ABAT: variants seen among roughly 807,000 people sequenced by gnomAD.
ABAT encodes 4-aminobutyrate aminotransferase, also known as 4-aminobutyrate aminotransferase, mitochondrial.
Under a neutral mutation model 64.6 loss-of-function variants are expected in ABAT, and 45 were observed. That is an observed-to-expected ratio of 0.70 (90% CI 0.55 to 0.89). The LOEUF is 0.89. Among genes scored for constraint, ABAT ranks in the 40% least tolerant of loss-of-function variants. ABAT has a pLI of 0.00. For synonymous variants in ABAT, 297 were observed against 250.5 expected, an observed-to-expected ratio of 1.19 and a Z score of -1.75; for missense variants, 633 against 658.4, an observed-to-expected ratio of 0.96 and a Z score of 0.42.
chr16:8,743,986 T>C (rs1449190902), intron 2 of ABAT, among the ~76,000 whole-genome samples: 2 of 152,140 alleles, frequency 1.3e-5, no homozygotes, highest in Non-Finnish European at 2.9e-5. Context: ...TCAGCAAGGC[T>C]TGGGCTTGAG....
chr16:8,751,745 G>A (rs988120809), intron 5 of ABAT, among the ~76,000 whole-genome samples: 2 of 152,132 alleles, frequency 1.3e-5, no homozygotes, highest in African/African-American at 4.8e-5. Flanking sequence ...CACAGCAGCT[G>A]GAAAACGGTG....
chr16:8,773,103 T>TACACAC (rs1354262302), intron 12 of ABAT, among the ~76,000 whole-genome samples, 186 bp downstream of exon 12: 4 of 51,420 alleles, frequency 7.8e-5, no homozygotes, highest in African/African-American at 2.6e-4. Context: ...TCCCTAAAAC[T>TACACAC]ATACACACAC....
chr16:8,722,770 C>G (rs112483456), intron 1 of ABAT: 56 of 1,267,716 alleles, frequency 4.4e-5, no homozygotes, highest in Non-Finnish European at 5.5e-5. Flanking sequence ...TCCCCAGATG[C>G]GCCCATCCAG....
chr16:8,705,495 AT>A (rs765497807), intron 1 of ABAT: 7 of 152,116 alleles, frequency 4.6e-5, no homozygotes, highest in Non-Finnish European at 1.0e-4. Flanking sequence ...TGCTAGACAA[AT>A]TTTAAAAGAG....
rs554992833 is a variant in ABAT at position 8,711,961 on chromosome 16, C to T, written c.-41-23738C>T. On this transcript the variant is annotated intron_variant, in intron 1 of 15. Coordinates refer to ENST00000268251, the MANE Select transcript of ABAT (RefSeq NM_020686.6). ...ACCATATGAAATTACTATTTTTGGCCAGGTGCGGTGGCTCATGCCTGTAAT... is the reference window on the plus strand; with the variant it reads ...ACCATATGAAATTACTATTTTTGGCTAGGTGCGGTGGCTCATGCCTGTAAT... 6.7e-5 allele frequency among the ~76,000 whole-genome samples: 10 copies of T among 149,684 alleles called. No homozygotes were observed. The East Asian group carries it at 1.8e-3, about 27-fold the overall frequency.
intron 1 of ABAT, among the ~76,000 whole-genome samples, chr16:8,709,180 A>G (rs1009092230): frequency 2.0e-5 from 3 of 152,178 alleles, no homozygotes; most frequent in African/African-American, 4.8e-5. Context: ...GTCAGGTTAA[A>G]TAGAATTAAC....
In ABAT at chr16:8,776,746, T is replaced by G. The variant is rs994460280; in HGVS notation, c.1269+256T>G. 6.6e-6 allele frequency among the ~76,000 whole-genome samples: 1 copy of G among 152,154 alleles called. No individual in the cohort carries two copies. The highest frequency in any genetic ancestry group is 2.1e-4 in the South Asian group (1 of 4,824). ...TGTTGTTGTTTTTTTTAATTTATTT[T>G]TTATTTTTTTAATATTGAGACATGG... On this transcript the variant is annotated intron_variant, in intron 14 of 15. Transcript: ENST00000268251. This position sits in a 1 kb window ranked among gnomAD's most constrained non-coding sequence, Gnocchi z 4.4.
chr16:8,742,382 C>T (rs535281105), intron 2 of ABAT, among the ~76,000 whole-genome samples: 2 of 152,260 alleles, frequency 1.3e-5, no homozygotes, highest in Admixed American at 6.5e-5. Flanking sequence ...AAGGAGGACG[C>T]GTGTGTCCTC....
chr16:8,706,976 G>A (rs1018271028), intron 1 of ABAT, among the ~76,000 whole-genome samples: 4 of 152,062 alleles, frequency 2.6e-5, no homozygotes, highest in African/African-American at 9.7e-5. Flanking sequence ...GTGCCCTCCC[G>A]GAATCAGAGG....
intron 2 of ABAT, chr16:8,737,501 A>G (rs2058981881): frequency 6.6e-6 from 1 of 151,884 alleles, no homozygotes; most frequent in Non-Finnish European, 1.5e-5. Context: ...ATAAATAAAC[A>G]TCTTATTTTT....
Position 8,781,340 on chromosome 16 carries a change from C to T in ABAT, c.1413C>T (p.Ser471=). The T allele has an allele frequency of 6.2e-7, 1 of 1,614,140 alleles. No individual in the cohort carries two copies. The highest frequency in any genetic ancestry group is 1.1e-5 in the South Asian group (1 of 91,072). ...GVVLGGCGDK[S]IRFRPTLVFR... is the part of the protein sequence containing the mutation. ...TGTTGGGTGGCTGTGGTGACAAATC[C>T]ATTCGTTTCCGTCCCACGCTGGTCT... The change falls in exon 16 of 16, where the codon TCC becomes TCT. Residue 471 remains serine, a synonymous_variant. Transcript: ENST00000268251. The surrounding 1 kb of genome is among the most constrained non-coding windows in gnomAD (Gnocchi z 4.5).
At chr16:8,772,641 G>C (rs946131472) in intron 11 of ABAT, 139 bp from the exon 12 acceptor site, 18 of 1,192,736 alleles carry the variant, frequency 1.5e-5, no homozygotes, top group Non-Finnish European at 2.2e-5. Context: ...TTCTAACAGA[G>C]GCTTCACTGG....
In ABAT at chr16:8,709,350, TTTTATTTA is replaced by T. The variant is rs149223193; in HGVS notation, c.-41-26317_-41-26310del. Among the ~76,000 whole-genome samples, 400 of 149,254 alleles carry T rather than the reference TTTTATTTA, an allele frequency of 2.7e-3. 3 individuals carry two copies. Among genetic ancestry groups the T allele is most frequent in the Middle Eastern group, 0.017 (5 of 288 alleles). ...TTTAATTGGCACATGTGACTCACAT[TTTTATTTA>T]TTTATTTATTTATTTATTTATTTAT... On this transcript the variant is annotated intron_variant, in intron 1 of 15. Transcript: ENST00000268251.
intron 1 of ABAT, among the ~76,000 whole-genome samples, chr16:8,680,980 A>AT (rs1419634061): frequency 1.0e-4 from 10 of 99,632 alleles, no homozygotes; most frequent in African/African-American, 2.7e-4. Context: ...CTTTTTATTT[A>AT]TCTATTTTTT....
At chr16:8,753,639 T>C (rs2059555717) in intron 5 of ABAT, among the ~76,000 whole-genome samples, 1 of 152,214 alleles carries the variant, frequency 6.6e-6, no homozygotes, top group African/African-American at 2.4e-5. Flanking sequence ...GCAGTGGTGA[T>C]AAGGAACCAG....
Position 8,772,868 on chromosome 16 carries a change from A to T in ABAT, c.905A>T (p.Asn302Ile). Residue 302 changes from asparagine to isoleucine, a missense_variant, in exon 12 of 16, where the codon AAC becomes ATC. By Grantham distance (149) the Asn-to-Ile change is moderately radical. Transcript: ENST00000268251. ...VEPIQSEGGD[N>I]HASDDFFRKL... is the part of the protein sequence containing the mutation. Reference sequence around the variant, plus strand: ...CCCATCCAGTCCGAGGGTGGAGACAACCACGCATCCGATGACTTCTTTCGG... The same window carrying T: ...CCCATCCAGTCCGAGGGTGGAGACATCCACGCATCCGATGACTTCTTTCGG... 6.2e-7 allele frequency: 1 copy of T among 1,613,984 alleles called. No individual in the cohort carries two copies. Among genetic ancestry groups the T allele is most frequent in the East Asian group, 2.2e-5 (1 of 44,878 alleles).
intron 2 of ABAT, chr16:8,736,083 C>G (rs1042746202): frequency 4.3e-6 from 2 of 461,814 alleles, no homozygotes; most frequent in Non-Finnish European, 8.0e-6. Context: ...AACAAAGGCA[C>G]GTCTTACATG....
intron 1 of ABAT, among the ~76,000 whole-genome samples, chr16:8,723,106 C>A (rs113713239): frequency 0.032 from 4,858 of 152,028 alleles, 259 homozygotes; most frequent in African/African-American, 0.11. Flanking sequence ...GGTGGCGTGC[C>A]CCTGTAATCC....
intron 1 of ABAT, among the ~76,000 whole-genome samples, chr16:8,716,149 T>C (rs777310344): frequency 2.6e-5 from 4 of 152,080 alleles, no homozygotes; most frequent in Non-Finnish European, 5.9e-5. Context: ...CATTTTCCAG[T>C]GGAGAAAACA....
Sources: gnomAD v4.1 joint callset for allele counts (sites outside exome capture counted in the v4.1 genomes callset) on GRCh38, gnomAD v4.1.1 for gene constraint, Gnocchi (gnomAD v3.1) non-coding constraint, MANE v1.5 for transcripts, NCBI Gene and HGNC (gene_info 2026-07-23, HGNC 2026-07-21) for gene names.